KIAA1217: variants seen among roughly 807,000 people sequenced by gnomAD.
The protein encoded by KIAA1217 is sickle tail protein homolog.
KIAA1217 carries 88 observed loss-of-function variants against 163.9 expected under a neutral mutation model. The observed-to-expected ratio is 0.54, with a 90% confidence interval of 0.45 to 0.64. The LOEUF (loss-of-function observed/expected upper bound fraction) is 0.64. Ranked by LOEUF, KIAA1217 falls within the 30% of genes least tolerant of loss-of-function variation. The pLI is 0.00. For missense variants in KIAA1217, 2,372 were observed against 2,475.0 expected (o/e 0.96, Z 0.88); for synonymous variants, 903 against 923.1 (o/e 0.98, Z 0.39).
upstream of KIAA1217, among the ~76,000 whole-genome samples, chr10:24,208,150 C>A (rs2067670883): frequency 6.7e-6 from 1 of 150,154 alleles, no homozygotes. Context: ...GACATCATGC[C>A]TCCTATTTTC....
rs187988802 is a variant in KIAA1217 at position 24,320,535 on chromosome 10, A to G, written c.355-60334A>G. On this transcript the variant is annotated intron_variant, in intron 2 of 20. Transcript: ENST00000376454. ...TTCAGGAGGCCCCTATTATACTATAAATATTGCCTTGGGGCAGTGTTCATA... is the reference window on the plus strand; with the variant it reads ...TTCAGGAGGCCCCTATTATACTATAGATATTGCCTTGGGGCAGTGTTCATA... Among the ~76,000 whole-genome samples the G allele has an allele frequency of 3.2e-3, 490 of 152,330 alleles. 1 individual carries two copies. Among genetic ancestry groups the G allele is most frequent in the African/African-American group, 0.011 (471 of 41,570 alleles).
chr10:24,154,682 C>A (rs566236861), intron 2 of KIAA1217, among the ~76,000 whole-genome samples: 3 of 152,138 alleles, frequency 2.0e-5, no homozygotes, highest in South Asian at 2.1e-4. Flanking sequence ...CGAGACCTTC[C>A]TGGCCAACAT....
At position 24,045,209 on chromosome 10, in the gene KIAA1217, G is replaced by A. The variant is rs12219657; in HGVS notation, c.-171+37835G>A. ...TAGAAGTGTTGATGAGAAGTCCTGT[G>A]TTGTTCAAAGATTCAGTTTCCTTTG... On this transcript the variant is annotated intron_variant, in intron 2 of 18. Transcript: ENST00000376462. Among the ~76,000 whole-genome samples, 1,225 of 152,170 alleles carry A rather than the reference G, an allele frequency of 8.1e-3. 64 individuals are homozygous for A. In the East Asian group the frequency reaches 0.14, roughly 18 times the overall value.
At chr10:24,426,344 C>T (rs1399861795) in intron 3 of KIAA1217, among the ~76,000 whole-genome samples, 1 of 152,128 alleles carries the variant, frequency 6.6e-6, no homozygotes. Flanking sequence ...CGCTTGCAGC[C>T]AGGTGTGGTG....
intron 2 of KIAA1217, among the ~76,000 whole-genome samples, chr10:24,353,632 T>C (rs2048727381): frequency 6.6e-6 from 1 of 152,180 alleles, no homozygotes; most frequent in Non-Finnish European, 1.5e-5. Context: ...ATTTTCCCTC[T>C]CTCTCTTGAT....
intron 2 of KIAA1217, among the ~76,000 whole-genome samples, chr10:24,156,624 T>C (rs2064888499): frequency 6.6e-6 from 1 of 152,170 alleles, no homozygotes; most frequent in Non-Finnish European, 1.5e-5. Flanking sequence ...AATCCCCTAC[T>C]GCCTCTTTGA....
Position 24,199,398 on chromosome 10 carries a change from C to T in KIAA1217, c.-170-20228C>T, listed in dbSNP as rs901622853. 3.0e-4 allele frequency among the ~76,000 whole-genome samples: 46 copies of T among 152,130 alleles called. 1 individual carries two copies. On this transcript the variant is annotated intron_variant, in intron 2 of 18. Transcript: ENST00000376462. ...TAAGCAAGTCAGTATAAAGTTAATA[C>T]TAATATAAATGGTAAGAATTTGACC...
intron 1 of KIAA1217, among the ~76,000 whole-genome samples, chr10:23,879,999 T>G (rs952565768): frequency 2.0e-5 from 3 of 151,822 alleles, no homozygotes; most frequent in African/African-American, 7.3e-5. Context: ...ATGCTTCTGG[T>G]GGTGGGTGCT....
chr10:24,014,170 A>G (rs1471579559), intron 2 of KIAA1217, among the ~76,000 whole-genome samples: 1 of 152,144 alleles, frequency 6.6e-6, no homozygotes, highest in African/African-American at 2.4e-5. Context: ...GCTACCCAGA[A>G]AAGGCCATTT....
chr10:23,851,741 A>G (rs1265538020), intron 1 of KIAA1217, among the ~76,000 whole-genome samples: 2 of 151,930 alleles, frequency 1.3e-5, no homozygotes, highest in African/African-American at 2.4e-5. Context: ...TGTGGTTTTG[A>G]TTTGCATTTC....
chr10:24,270,454 A>G (rs1028358267), intron 2 of KIAA1217, among the ~76,000 whole-genome samples: 1 of 152,238 alleles, frequency 6.6e-6, no homozygotes, highest in Non-Finnish European at 1.5e-5. Context: ...AATCACATGA[A>G]TGCATCCATC....
In KIAA1217 at chr10:24,209,171, A is replaced by G; in HGVS notation, c.-23A>G. On this transcript the variant is annotated 5_prime_UTR_variant, in exon 1 of 21. Coordinates refer to ENST00000376454, the MANE Select transcript of KIAA1217 (RefSeq NM_019590.5). ...GCTCTGAAGTTTCCAGAGAGCGAGGAGCTTTTGCGGCAGGCAGAGACAATG... is the reference window on the plus strand; with the variant it reads ...GCTCTGAAGTTTCCAGAGAGCGAGGGGCTTTTGCGGCAGGCAGAGACAATG... The G allele has an allele frequency of 6.2e-7, 1 of 1,611,872 alleles. No homozygotes were observed. Among genetic ancestry groups the G allele is most frequent in the Non-Finnish European group, 8.5e-7 (1 of 1,178,276 alleles).
At chr10:24,326,878 A>C (rs912845516) in intron 2 of KIAA1217, among the ~76,000 whole-genome samples, 3 of 152,218 alleles carry the variant, frequency 2.0e-5, no homozygotes, top group Non-Finnish European at 4.4e-5. Context: ...GAATGATATG[A>C]AATTACTTAT....
chr10:24,428,184 G>C (rs2059321787), intron 3 of KIAA1217, among the ~76,000 whole-genome samples: 2 of 152,202 alleles, frequency 1.3e-5, no homozygotes, highest in Non-Finnish European at 1.5e-5. Context: ...CGCCATTGGT[G>C]GCCTTTCTGC....
Position 24,433,000 on chromosome 10 carries a change from C to A in KIAA1217, c.559C>A (p.Leu187Ile). ...ACTGTTTCCTTTGTGTGCAGGGGTT[C>A]TCTATCTCCAGTATGGAGATGAAAC... ...NQTKERSLGV[L>I]YLQYGDETKQ... The change falls in exon 4 of 21, where the codon CTC (leucine) becomes ATC (isoleucine). Residue 187 changes from leucine (L) to isoleucine (I), a missense_variant. Around this residue, in one of 3 missense-constraint regions of KIAA1217, gnomAD observed 1,431 missense variants for 1,470.3 expected, o/e 0.97. Transcript: ENST00000376454. 1 of 1,613,560 alleles carries A rather than the reference C, an allele frequency of 6.2e-7. No homozygotes were observed.
At chr10:24,058,054 C>T (rs915238358) in intron 2 of KIAA1217, among the ~76,000 whole-genome samples, 1 of 152,096 alleles carries the variant, frequency 6.6e-6, no homozygotes, top group African/African-American at 2.4e-5. Context: ...ATTATTGATT[C>T]ATTTTGAGTT....
At chr10:24,264,108 C>A (rs979988523) in intron 2 of KIAA1217, among the ~76,000 whole-genome samples, 3 of 152,202 alleles carry the variant, frequency 2.0e-5, no homozygotes, top group African/African-American at 7.2e-5. Flanking sequence ...ATCCGCCCAC[C>A]TCGGCCTCCC....
rs150153661 is a variant in KIAA1217, at chr10:24,245,523, G to T, written c.354+25614G>T. 1.8e-3 allele frequency among the ~76,000 whole-genome samples: 280 copies of T among 152,262 alleles called. 3 individuals carry two copies. The highest frequency in any genetic ancestry group is 6.1e-3 in the African/African-American group (253 of 41,564). ...TTTTTGGAGTGAATAAGAGAACTAA[G>T]ATTCTGATGGACCCTTGGTGATTTT... On this transcript the variant is annotated intron_variant, in intron 2 of 20. Transcript: ENST00000376454.
At chr10:23,789,874 C>T (rs913799198) in intron 1 of KIAA1217, among the ~76,000 whole-genome samples, 2 of 149,126 alleles carry the variant, frequency 1.3e-5, no homozygotes, top group African/African-American at 5.0e-5. Flanking sequence ...TAGTTCCCTT[C>T]ATATATATAT....
Sources: gnomAD v4.1 joint callset for allele counts (sites outside exome capture counted in the v4.1 genomes callset) on GRCh38, gnomAD v4.1.1 for gene constraint, gnomAD v4.1.1 regional missense constraint, MANE v1.5 for transcripts, NCBI Gene and HGNC (gene_info 2026-07-23, HGNC 2026-07-21) for gene names.